BRD4: variants seen among roughly 807,000 people sequenced by gnomAD.
The protein encoded by BRD4 is bromodomain-containing protein 4.
A neutral mutation model predicts 142.1 loss-of-function variants in BRD4; 16 were observed. That is an observed-to-expected ratio of 0.11 (90% confidence interval 0.08 to 0.17). BRD4 has a LOEUF of 0.17. Among genes scored for constraint, BRD4 ranks in the 10% least tolerant of loss-of-function variants. BRD4 has a pLI of 1.00. For missense variants in BRD4, 1,424 were observed against 1,810.9 expected (o/e 0.79, Z 3.88); for synonymous variants, 833 against 707.5 (o/e 1.18, Z -2.82).
At chr19:15,291,580 C>G (rs1050724854) in intron 1 of BRD4, among the ~76,000 whole-genome samples, 4 of 152,184 alleles carry the variant, frequency 2.6e-5, no homozygotes, top group African/African-American at 9.7e-5. Context: ...AACAGGATAA[C>G]AGTCCACCCA....
intron 2 of BRD4, 94 bp downstream of exon 2, chr19:15,272,721 T>C: frequency 8.1e-7 from 1 of 1,232,838 alleles, no homozygotes; most frequent in Non-Finnish European, 1.1e-6. Flanking sequence ...TCCAAATGCA[T>C]CTCCTACCCT....
intron 2 of BRD4, among the ~76,000 whole-genome samples, chr19:15,271,440 T>C (rs1373801115): frequency 6.6e-6 from 1 of 152,142 alleles, no homozygotes; most frequent in Non-Finnish European, 1.5e-5. Context: ...CTCTTTGACC[T>C]CCCTGTAGCT....
At chr19:15,265,282 T>A in intron 5 of BRD4, 72 bp downstream of exon 5, 4 of 1,365,792 alleles carry the variant, frequency 2.9e-6, no homozygotes, top group Non-Finnish European at 3.9e-6. Context: ...ACAGGCTCTG[T>A]GTAAAGCACG....
At chr19:15,256,347 C>G in intron 8 of BRD4, 84 bp from the exon 9 acceptor site, 5 of 1,501,252 alleles carry the variant, frequency 3.3e-6, no homozygotes, top group Non-Finnish European at 3.6e-6. Context: ...CTCCAAAAAA[C>G]ATGCGACAGC....
chr19:15,312,755 G>A (rs1437027454), intron 1 of BRD4, among the ~76,000 whole-genome samples: 1 of 151,970 alleles, frequency 6.6e-6, no homozygotes, highest in Non-Finnish European at 1.5e-5. Flanking sequence ...GGCCAACATG[G>A]GGAAACCCCA....
intron 1 of BRD4, chr19:15,331,872 TTCCTCC>T (rs749102193): frequency 1.1e-4 from 15 of 140,074 alleles, no homozygotes; most frequent in Admixed American, 6.3e-4. Flanking sequence ...CGGCGGCCGC[TTCCTCC>T]TCCTCCTCCT....
rs546192056 is a variant in BRD4 at position 15,319,909 on chromosome 19, C to G, written c.-35+12381G>C. Among the ~76,000 whole-genome samples, 155 of 152,284 alleles carry G rather than the reference C, an allele frequency of 1.0e-3. No individual in the cohort carries two copies. In the Middle Eastern group the frequency reaches 0.01, roughly 10 times the overall value. On this transcript the variant is annotated intron_variant, in intron 1 of 19. Transcript: ENST00000679869. ...TGTGATCATGCCACTGCACTACGGC[C>G]TGGGCAACACAGTGAGACTCTACCT... is the stretch of plus-strand genomic sequence containing the variant.
rs1434503363 is a variant in BRD4, at chr19:15,236,485, C to G, written c.*1892G>C. The stretch of plus-strand genomic sequence containing the variant: ...GGCAGGCAAGGTGGGAGAAGTGGCC[C>G]AAGTCCTTTGGTGAGTGGGGGGACA... On this transcript the variant is annotated 3_prime_UTR_variant, in exon 20 of 20. Coordinates refer to ENST00000679869, the MANE Select transcript of BRD4 (RefSeq NM_001379291.1). 7.0e-6 allele frequency: 1 copy of G among 142,606 alleles called. No individual in the cohort carries two copies. Among genetic ancestry groups the G allele is most frequent in the Non-Finnish European group, 1.5e-5 (1 of 66,034 alleles). 8.8% of individuals were successfully genotyped at this position (142,606 alleles called of 1,614,324 possible). A position where few individuals can be genotyped will look rare whatever the true frequency, so the allele number is the denominator to read the frequency against.
intron 1 of BRD4, among the ~76,000 whole-genome samples, chr19:15,305,227 G>T (rs1322722426): frequency 6.6e-6 from 1 of 151,964 alleles, no homozygotes; most frequent in African/African-American, 2.4e-5. Context: ...ATTTTTAGTA[G>T]GGACAGGGTT....
chr19:15,292,712 A>G (rs2047791546), intron 1 of BRD4, among the ~76,000 whole-genome samples: 2 of 141,256 alleles, frequency 1.4e-5, no homozygotes, highest in African/African-American at 5.2e-5. Context: ...TGGGAGGCGG[A>G]GCTTGCAGTG....
rs149571121 is a variant in BRD4 at position 15,269,849 on chromosome 19, ACTT to A, written c.286-810_286-808del. Among the ~76,000 whole-genome samples, 90 of 152,356 alleles carry A rather than the reference ACTT, an allele frequency of 5.9e-4. 3 individuals carry two copies. In the East Asian group the frequency reaches 0.017, roughly 29 times the overall value. On this transcript the variant is annotated intron_variant, in intron 2 of 19. Transcript: ENST00000679869. The stretch of plus-strand genomic sequence containing the variant: ...GAAATCAAACCACGTTATTCTCACA[ACTT>A]CTTCTCTAAATCTAAACCTATTCTA...
intron 1 of BRD4, among the ~76,000 whole-genome samples, chr19:15,289,132 G>A (rs1241451232): frequency 2.0e-5 from 3 of 152,164 alleles, no homozygotes; most frequent in Non-Finnish European, 4.4e-5. Flanking sequence ...TGTTTTCTGG[G>A]TTCTGACAAC....
In BRD4 at chr19:15,243,407, G is replaced by A. The variant is rs1216396543; in HGVS notation, c.2662C>T (p.Pro888Ser). ...AALPPKPARPPAVSPALTQTP... is the reference protein window; with the variant it reads ...AALPPKPARPSAVSPALTQTP... Reference sequence around the variant, plus strand: ...TGGGTCAAGGCTGGTGACACGGCTGGGGGCCGGGCGGGCTTGGGAGGCAGG... The same window carrying A: ...TGGGTCAAGGCTGGTGACACGGCTGAGGGCCGGGCGGGCTTGGGAGGCAGG... The change falls in exon 14 of 20, where the codon CCA (proline) becomes TCA (serine). Residue 888 changes from proline (P) to serine (S), a missense_variant. By Grantham distance (74) the Pro-to-Ser change is moderately conservative. This residue lies in a region of BRD4 where 598 missense variants were observed against 647.8 expected (regional missense o/e 0.92). Transcript: ENST00000679869. The A allele has an allele frequency of 1.3e-6, 2 of 1,560,540 alleles. No individual in the cohort carries two copies. The highest frequency in any genetic ancestry group is 2.7e-5 in the African/African-American group (2 of 73,188).
At chr19:15,249,938 AG>A (rs925974995) in intron 11 of BRD4, among the ~76,000 whole-genome samples, 1 of 152,186 alleles carries the variant, frequency 6.6e-6, no homozygotes, top group African/African-American at 2.4e-5. Context: ...GAGAAAAAAA[AG>A]AAAAAGAAAC....
chr19:15,271,965 T>TGG (rs2047592842), intron 2 of BRD4, among the ~76,000 whole-genome samples: 1 of 151,664 alleles, frequency 6.6e-6, no homozygotes, highest in Non-Finnish European at 1.5e-5. Context: ...CACACACCAG[T>TGG]CTGGGTCAGT....
At chr19:15,315,757 G>A (rs966986502) in intron 1 of BRD4, among the ~76,000 whole-genome samples, 2 of 151,950 alleles carry the variant, frequency 1.3e-5, no homozygotes, top group Admixed American at 6.6e-5. Flanking sequence ...TTGGGAGGCT[G>A]AGGCATGAGA....
chr19:15,285,734 T>G (rs573160082), intron 1 of BRD4, among the ~76,000 whole-genome samples: 2 of 152,304 alleles, frequency 1.3e-5, no homozygotes, highest in Admixed American at 1.3e-4. Flanking sequence ...TTATTACTAC[T>G]TTTTACATTT....
chr19:15,260,613 C>T lies in BRD4; in HGVS notation c.1341+2807G>A, dbSNP rs3746201. On this transcript the variant is annotated intron_variant, in intron 7 of 19. Transcript: ENST00000679869. ...CAGAGGCAGCCCACCTACAGCACCC[C>T]CCACCCCTTGCCTGCACTAGGCCCC... Among the ~76,000 whole-genome samples, 361 of 152,218 alleles carry T rather than the reference C, an allele frequency of 2.4e-3. 1 individual carries two copies. Among genetic ancestry groups the T allele is most frequent in the Admixed American group, 0.013 (202 of 15,296 alleles).
At chr19:15,328,962 G>A (rs1307992548) in intron 1 of BRD4, among the ~76,000 whole-genome samples, 2 of 152,126 alleles carry the variant, frequency 1.3e-5, no homozygotes, top group East Asian at 3.9e-4. Context: ...TAATAGAGAC[G>A]TGGTTTCTCC....
Sources: gnomAD v4.1 joint callset for allele counts (sites outside exome capture counted in the v4.1 genomes callset) on GRCh38, gnomAD v4.1.1 for gene constraint, gnomAD v4.1.1 regional missense constraint, MANE v1.5 for transcripts, NCBI Gene and HGNC (gene_info 2026-07-23, HGNC 2026-07-21) for gene names.